Variants in PIK3R1 observed in about 807,000 individuals in gnomAD.
PIK3R1 encodes phosphoinositide-3-kinase regulatory subunit 1, also known as phosphatidylinositol 3-kinase regulatory subunit alpha.
Under a neutral mutation model 98.0 loss-of-function variants are expected in PIK3R1, and 29 were observed. That is an observed-to-expected ratio of 0.30 (90% confidence interval 0.22 to 0.40). The LOEUF is 0.40. Among genes scored for constraint, PIK3R1 ranks in the 10% least tolerant of loss-of-function variants. The pLI is 1.00. For missense variants in PIK3R1, 596 were observed against 872.7 expected (o/e 0.68, Z 3.99); for synonymous variants, 282 against 311.8 (o/e 0.90, Z 1.01).
chr5:68,232,527 C>T lies in PIK3R1; in HGVS notation c.334+5518C>T, dbSNP rs116676845. On this transcript the variant is annotated intron_variant, in intron 2 of 15. Coordinates refer to ENST00000521381, the MANE Select transcript of PIK3R1 (RefSeq NM_181523.3). Reference sequence around the variant, plus strand: ...GAGAGGAAGGCATTTCTCCCTCCTTCCCTCAGTCTGTTATTTGAAGGGAAT... The same window carrying T: ...GAGAGGAAGGCATTTCTCCCTCCTTTCCTCAGTCTGTTATTTGAAGGGAAT... Among the ~76,000 whole-genome samples, 1,044 of 152,278 alleles carry T rather than the reference C, an allele frequency of 6.9e-3. 13 individuals carry two copies. The highest frequency in any genetic ancestry group is 0.024 in the African/African-American group (984 of 41,534).
In PIK3R1 at chr5:68,297,743, C is replaced by T. The variant is rs1216291186; in HGVS notation, c.*142C>T. The T allele has an allele frequency of 5.9e-6, 4 of 676,982 alleles. No individual in the cohort carries two copies. Among genetic ancestry groups the T allele is most frequent in the African/African-American group, 1.8e-5 (1 of 55,494 alleles). 41.9% of individuals were successfully genotyped at this position (676,982 alleles called of 1,614,324 possible). On this transcript the variant is annotated 3_prime_UTR_variant, in exon 16 of 16. Transcript: ENST00000521381. Reference sequence around the variant, plus strand: ...TTTGGATGGGACTAGAGCTTTCTTTCACAAAAAAGAAGTAGGGGAAGACAT... The same window carrying T: ...TTTGGATGGGACTAGAGCTTTCTTTTACAAAAAAGAAGTAGGGGAAGACAT...
In PIK3R1 at chr5:68,215,785, A is replaced by T. The variant is rs1441850671; in HGVS notation, c.-551A>T. Reference sequence around the variant, plus strand: ...CCAGCAGCTGGAGCGGAGTTGGAGGAAGCAGCGGCAGCGGCGAGGGCGGCA... The same window carrying T: ...CCAGCAGCTGGAGCGGAGTTGGAGGTAGCAGCGGCAGCGGCGAGGGCGGCA... On this transcript the variant is annotated 5_prime_UTR_variant, in exon 1 of 16. Transcript: ENST00000521381. The T allele has an allele frequency of 6.6e-6, 1 of 152,174 alleles. No individual in the cohort carries two copies. Among genetic ancestry groups the T allele is most frequent in the Non-Finnish European group, 1.5e-5 (1 of 68,240 alleles). The allele number at this position is 152,174 out of a possible 1,614,324, so 9.4% of individuals were successfully genotyped here.
At chr5:68,271,804 ATCTATG>A (rs11280364) in intron 2 of PIK3R1, among the ~76,000 whole-genome samples, 44,028 of 151,722 alleles carry the variant, frequency 0.29, 8,275 homozygotes, top group African/African-American at 0.54. Context: ...TCATGCATCC[ATCTATG>A]TACTGCACAT....
At chr5:68,255,696 G>T (rs548125538) in intron 2 of PIK3R1, among the ~76,000 whole-genome samples, 1 of 152,056 alleles carries the variant, frequency 6.6e-6, no homozygotes, top group Non-Finnish European at 1.5e-5. Flanking sequence ...TGAAACATAC[G>T]GCTATCAATG....
In PIK3R1 at chr5:68,231,751, A is replaced by T. The variant is rs149063224; in HGVS notation, c.334+4742A>T. Among the ~76,000 whole-genome samples, 8 of 152,306 alleles carry T rather than the reference A, an allele frequency of 5.3e-5. No homozygotes were observed. The East Asian group carries it at 1.5e-3, about 29-fold the overall frequency. On this transcript the variant is annotated intron_variant, in intron 2 of 15. Coordinates refer to ENST00000521381, the MANE Select transcript of PIK3R1 (RefSeq NM_181523.3). The stretch of plus-strand genomic sequence containing the variant: ...GCCTTTACGAATTCTGTTTTCTTTC[A>T]GAATATACTTTCTCATAACATTCTT...
At chr5:68,267,328 T>A (rs544408307) in intron 2 of PIK3R1, among the ~76,000 whole-genome samples, 2 of 152,326 alleles carry the variant, frequency 1.3e-5, no homozygotes, top group East Asian at 3.9e-4. Context: ...TTTAATAAGA[T>A]CTTTGCCTGC....
chr5:68,258,060 G>A (rs1173941040), intron 2 of PIK3R1, among the ~76,000 whole-genome samples: 1 of 152,230 alleles, frequency 6.6e-6, no homozygotes, highest in Admixed American at 6.5e-5. Context: ...TCTTAGAAGA[G>A]TCAATTAGGA....
In PIK3R1 at chr5:68,300,824, GAGA is replaced by G. The variant is rs1220921300; in HGVS notation, c.*3226_*3228del. 8.6e-6 allele frequency: 2 copies of G among 233,162 alleles called. No individual in the cohort carries two copies. Among genetic ancestry groups the G allele is most frequent in the Non-Finnish European group, 1.7e-5 (2 of 118,048 alleles). 14.4% of individuals were successfully genotyped at this position (233,162 alleles called of 1,614,324 possible). A position where few individuals can be genotyped will look rare whatever the true frequency, so the allele number is the denominator to read the frequency against. ...GGTGAAAATTGTTTGTAAGTGAAGT[GAGA>G]AGTTCATATTTCTTTGGCTTTTTTG... On this transcript the variant is annotated 3_prime_UTR_variant, in exon 16 of 16. Transcript: ENST00000521381.
At chr5:68,224,700 A>G (rs1471329429) in intron 1 of PIK3R1, among the ~76,000 whole-genome samples, 2 of 152,176 alleles carry the variant, frequency 1.3e-5, no homozygotes, top group Admixed American at 6.5e-5. Context: ...TTGTGTGGCT[A>G]TTGTTTTTAT....
intron 7 of PIK3R1, among the ~76,000 whole-genome samples, chr5:68,282,707 C>G (rs1015206683): frequency 2.6e-5 from 4 of 152,116 alleles, no homozygotes; most frequent in Admixed American, 6.6e-5. Flanking sequence ...GTCAAAGGAC[C>G]CTACATTTCT....
At chr5:68,273,125 CAG>C (rs1491264584) in intron 2 of PIK3R1, among the ~76,000 whole-genome samples, 2 of 152,054 alleles carry the variant, frequency 1.3e-5, no homozygotes, top group African/African-American at 2.4e-5. Flanking sequence ...TGTACCTAGA[CAG>C]GGGGGTTTGT....
rs749306548 is a variant in PIK3R1 at position 68,226,904 on chromosome 5, A to T, written c.229A>T (p.Ile77Phe). 1 of 1,614,078 alleles carries T rather than the reference A, an allele frequency of 6.2e-7. No homozygotes were observed. Among genetic ancestry groups the T allele is most frequent in the Non-Finnish European group, 8.5e-7 (1 of 1,179,996 alleles). Reference sequence around the variant, plus strand: ...CTTTCCGGGAACTTACGTAGAATATATTGGAAGGAAAAAAATCTCGCCTCC... The same window carrying T: ...CTTTCCGGGAACTTACGTAGAATATTTTGGAAGGAAAAAAATCTCGCCTCC... ...GDFPGTYVEY[I>F]GRKKISPPTP... is the part of the protein sequence containing the mutation. The change falls in exon 2 of 16, where the codon ATT (isoleucine) becomes TTT (phenylalanine). Residue 77 changes from isoleucine (I) to phenylalanine (F), a missense_variant. Ile to Phe is a conservative substitution (Grantham distance 21). This residue lies in a region of PIK3R1 where 352 missense variants were observed against 393.3 expected (regional missense o/e 0.90). Coordinates refer to ENST00000521381, the MANE Select transcript of PIK3R1 (RefSeq NM_181523.3).
chr5:68,294,957 TAATAAA>T (rs1242802695), intron 12 of PIK3R1, among the ~76,000 whole-genome samples, 185 bp from the exon 13 acceptor site: 2 of 101,524 alleles, frequency 2.0e-5, no homozygotes, highest in Non-Finnish European at 2.0e-5. Context: ...ACTTAAAGTA[TAATAAA>T]AATAAAAAAA....
rs530331618 is a variant in PIK3R1, at chr5:68,238,974, C to A, written c.334+11965C>A. ...TTCTTCTCCTTTCTAGCAATAAATG[C>A]CAAAAAAAAAAAAAAATAGTGCATT... is the stretch of plus-strand genomic sequence containing the variant. On this transcript the variant is annotated intron_variant, in intron 2 of 15. Coordinates refer to ENST00000521381, the MANE Select transcript of PIK3R1 (RefSeq NM_181523.3). 8.6e-3 allele frequency among the ~76,000 whole-genome samples: 1,084 copies of A among 126,450 alleles called. 2 individuals carry two copies. Among genetic ancestry groups the A allele is most frequent in the Non-Finnish European group, 0.015 (859 of 58,866 alleles). The allele number at this position is 126,450 out of a possible 152,430, so 83.0% of individuals were successfully genotyped here.
rs2112234740 is a variant in PIK3R1 at position 68,290,053 on chromosome 5, T to C, written c.917-2206T>C. Reference sequence around the variant, plus strand: ...ATTTTCATTGTTAGTCTATAAAGTCTAGTTTTAACTTTGGAATGTTTGGTA... The same window carrying C: ...ATTTTCATTGTTAGTCTATAAAGTCCAGTTTTAACTTTGGAATGTTTGGTA... On this transcript the variant is annotated intron_variant, in intron 7 of 15. Transcript: ENST00000521381. Among the ~76,000 whole-genome samples, 3 of 152,338 alleles carry C rather than the reference T, an allele frequency of 2.0e-5. 1 individual carries two copies. The highest frequency in any genetic ancestry group is 2.0e-4 in the Admixed American group (3 of 15,306).
rs116483958 is a variant in PIK3R1, at chr5:68,298,082, A to G, written c.*481A>G. 5.9e-3 allele frequency: 1,368 copies of G among 231,258 alleles called. 8 individuals carry two copies. The highest frequency in any genetic ancestry group is 9.4e-3 in the Non-Finnish European group (1,092 of 116,662). The allele number at this position is 231,258 out of a possible 1,614,324, so 14.3% of individuals were successfully genotyped here. On this transcript the variant is annotated 3_prime_UTR_variant, in exon 16 of 16. Transcript: ENST00000521381. ...TGCTGTGCACGGTGGACCCAGACACATCGCACTGTGGATTATTTCATTTTG... is the reference window on the plus strand; with the variant it reads ...TGCTGTGCACGGTGGACCCAGACACGTCGCACTGTGGATTATTTCATTTTG...
Position 68,226,434 on chromosome 5 carries a change from G to A in PIK3R1, c.-242G>A. 1 of 504,600 alleles carries A rather than the reference G, an allele frequency of 2.0e-6. No individual in the cohort carries two copies. Among genetic ancestry groups the A allele is most frequent in the South Asian group, 4.0e-5 (1 of 24,968 alleles). 31.3% of individuals were successfully genotyped at this position (504,600 alleles called of 1,614,324 possible). On this transcript the variant is annotated 5_prime_UTR_variant, in exon 2 of 16. Coordinates refer to ENST00000521381, the MANE Select transcript of PIK3R1 (RefSeq NM_181523.3). ...GTTGCTGAAAAGGAAGCCAGTGAGA[G>A]GACTGTGGCACGCAGAGGAAGTGGA... is the stretch of plus-strand genomic sequence containing the variant.
chr5:68,262,664 C>T (rs1301168349), intron 2 of PIK3R1, among the ~76,000 whole-genome samples: 2 of 125,430 alleles, frequency 1.6e-5, no homozygotes, highest in Non-Finnish European at 3.2e-5. Context: ...TGCATGTATA[C>T]ACATGTAGAT....
intron 2 of PIK3R1, among the ~76,000 whole-genome samples, chr5:68,244,181 T>C (rs1744977722): frequency 6.6e-6 from 1 of 152,222 alleles, no homozygotes; most frequent in Non-Finnish European, 1.5e-5. Flanking sequence ...AACTTGATTT[T>C]TCCCCCCAGT....
Sources: gnomAD v4.1 joint callset for allele counts (sites outside exome capture counted in the v4.1 genomes callset) on GRCh38, gnomAD v4.1.1 for gene constraint, gnomAD v4.1.1 regional missense constraint, MANE v1.5 for transcripts, NCBI Gene and HGNC (gene_info 2026-07-23, HGNC 2026-07-21) for gene names.